Variants in DLGAP2 observed in about 807,000 individuals in gnomAD.
DLGAP2 encodes DLG associated protein 2.
Under a neutral mutation model 100.3 loss-of-function variants are expected in DLGAP2, and 26 were observed. The ratio of observed to expected loss-of-function variants is 0.26; its 90% CI spans 0.19 to 0.36. DLGAP2 has a LOEUF of 0.36. Ranked by LOEUF, DLGAP2 falls within the 10% of genes least tolerant of loss-of-function variation. The pLI is 1.00. For synonymous variants in DLGAP2, 886 were observed against 630.1 expected (o/e 1.41, Z -6.08); for missense variants, 1,858 against 1,453.2 (o/e 1.28, Z -4.53).
intron 1 of DLGAP2, among the ~76,000 whole-genome samples, chr8:767,041 A>C (rs919451544): frequency 1.3e-5 from 2 of 152,162 alleles, no homozygotes; most frequent in Non-Finnish European, 2.9e-5. Flanking sequence ...CTGGATGACG[A>C]AGATCCTCAA....
At chr8:925,819 A>G (rs1798802708) in intron 2 of DLGAP2, among the ~76,000 whole-genome samples, 1 of 152,174 alleles carries the variant, frequency 6.6e-6, no homozygotes, top group Non-Finnish European at 1.5e-5. Flanking sequence ...TGTCCATTCT[A>G]GCATGAAGGC....
chr8:1,630,141 A>G (rs903088162), intron 7 of DLGAP2, among the ~76,000 whole-genome samples: 3 of 148,880 alleles, frequency 2.0e-5, no homozygotes, highest in Non-Finnish European at 4.5e-5. Context: ...AATTCTCAGG[A>G]AAAAAAAAAG....
chr8:1,474,625 T>A (rs1798883901), intron 3 of DLGAP2, among the ~76,000 whole-genome samples: 1 of 152,166 alleles, frequency 6.6e-6, no homozygotes, highest in Non-Finnish European at 1.5e-5. Flanking sequence ...CATGATAAAA[T>A]GCTCATCATC....
intron 3 of DLGAP2, among the ~76,000 whole-genome samples, chr8:1,299,130 CAGGCAAT>C (rs750433270): frequency 1.8e-4 from 28 of 152,234 alleles, no homozygotes; most frequent in Non-Finnish European, 2.8e-4. Flanking sequence ...TACAAAGAAG[CAGGCAAT>C]ATTAAGTATG....
At chr8:1,072,397 T>A (rs984939177) in intron 2 of DLGAP2, among the ~76,000 whole-genome samples, 1 of 152,240 alleles carries the variant, frequency 6.6e-6, no homozygotes, top group Non-Finnish European at 1.5e-5. Flanking sequence ...GAAAATTTGA[T>A]GAGTTTGATT....
At chr8:1,478,325 G>A (rs1404382666) in intron 3 of DLGAP2, among the ~76,000 whole-genome samples, 1 of 152,182 alleles carries the variant, frequency 6.6e-6, no homozygotes, top group African/African-American at 2.4e-5. Context: ...ATACAGGCAT[G>A]AAGGAACATG....
rs567267041 is a variant in DLGAP2, at chr8:747,256, C to T, written c.18+9431C>T. Among the ~76,000 whole-genome samples, 6 of 152,190 alleles carry T rather than the reference C, an allele frequency of 3.9e-5. No homozygotes were observed. The East Asian group carries it at 5.8e-4, about 15-fold the overall frequency. ...TTCTGAGTCTTACGGGACTTCTTTA[C>T]GTTTTCATTCAGTAAAAAGACTGCA... On this transcript the variant is annotated intron_variant, in intron 1 of 14. Coordinates refer to ENST00000637795, the MANE Select transcript of DLGAP2 (RefSeq NM_001346810.2).
intron 1 of DLGAP2, among the ~76,000 whole-genome samples, chr8:797,647 G>A (rs544207595): frequency 2.3e-4 from 35 of 152,184 alleles, no homozygotes; most frequent in Non-Finnish European, 4.4e-4. Flanking sequence ...CTCATTGATG[G>A]CTGCACTGCC....
intron 2 of DLGAP2, among the ~76,000 whole-genome samples, chr8:1,251,462 A>C (rs182106882): frequency 1.3e-5 from 2 of 152,330 alleles, no homozygotes; most frequent in East Asian, 1.9e-4. Context: ...TTTTTGAGAC[A>C]GGGTCTCTGT....
Position 1,232,512 on chromosome 8 carries a change from C to G in DLGAP2, c.74-26339C>G, listed in dbSNP as rs1422289635. Among the ~76,000 whole-genome samples, 9 of 152,366 alleles carry G rather than the reference C, an allele frequency of 5.9e-5. No individual in the cohort carries two copies. The Middle Eastern group carries it at 0.01, about 173-fold the overall frequency. On this transcript the variant is annotated intron_variant, in intron 2 of 14. Transcript: ENST00000637795. ...CTCGAACCTCACGTCAACTCCTTTC[C>G]TCTTGCATCACTGTGCTGGGCTGAG...
chr8:1,272,899 A>C (rs1350033572), intron 3 of DLGAP2, among the ~76,000 whole-genome samples: 1 of 152,138 alleles, frequency 6.6e-6, no homozygotes, highest in Non-Finnish European at 1.5e-5. Context: ...TCAGATTTTC[A>C]TGGAGATTCA....
At chr8:1,418,429 ATT>A (rs1796996441) in intron 3 of DLGAP2, among the ~76,000 whole-genome samples, 1 of 152,142 alleles carries the variant, frequency 6.6e-6, no homozygotes, top group Non-Finnish European at 1.5e-5. Flanking sequence ...TAAAAAGATG[ATT>A]ATTTCTGTAG....
chr8:1,331,784 A>G (rs1315223261), intron 3 of DLGAP2, among the ~76,000 whole-genome samples: 1 of 152,160 alleles, frequency 6.6e-6, no homozygotes, highest in Admixed American at 6.5e-5. Context: ...TATCTCTGAG[A>G]TACGTGTAAA....
intron 2 of DLGAP2, among the ~76,000 whole-genome samples, chr8:1,028,450 C>T (rs913904043): frequency 1.3e-5 from 2 of 150,460 alleles, no homozygotes; most frequent in Non-Finnish European, 3.0e-5. Context: ...CGTTATTCTC[C>T]AGGTGGGGTG....
chr8:1,532,158 G>T (rs1801007445), intron 4 of DLGAP2, among the ~76,000 whole-genome samples: 1 of 152,164 alleles, frequency 6.6e-6, no homozygotes, highest in Non-Finnish European at 1.5e-5. Context: ...TGGGAGGCAG[G>T]TTTGCCCTGA....
intron 3 of DLGAP2, among the ~76,000 whole-genome samples, chr8:1,357,526 T>C (rs1585295444): frequency 6.6e-6 from 1 of 152,102 alleles, no homozygotes; most frequent in East Asian, 1.9e-4. Flanking sequence ...TCTGTAGTAG[T>C]GAGACAGCAA....
At chr8:879,592 T>C (rs1462708544) in intron 1 of DLGAP2, among the ~76,000 whole-genome samples, 1 of 152,204 alleles carries the variant, frequency 6.6e-6, no homozygotes, top group Non-Finnish European at 1.5e-5. Flanking sequence ...TTGTCTTCAT[T>C]AGTTTCCTAG....
chr8:794,556 C>T (rs1031615152), intron 1 of DLGAP2, among the ~76,000 whole-genome samples: 6 of 152,214 alleles, frequency 3.9e-5, no homozygotes, highest in African/African-American at 1.2e-4. Flanking sequence ...GTCTTTAAAG[C>T]ACAGATCACT....
chr8:828,932 C>G (rs1796732206), intron 1 of DLGAP2, among the ~76,000 whole-genome samples: 1 of 152,154 alleles, frequency 6.6e-6, no homozygotes, highest in South Asian at 2.1e-4. Context: ...CAAGAAGCAA[C>G]TCTGTATTAA....
Sources: allele counts gnomAD v4.1 joint callset (sites outside exome capture counted in the v4.1 genomes callset), GRCh38; gene constraint gnomAD v4.1.1; transcripts MANE v1.5; gene names NCBI Gene and HGNC (gene_info 2026-07-23, HGNC 2026-07-21).